Variants in GLRX3 observed in about 807,000 individuals in gnomAD.
GLRX3 encodes the protein glutaredoxin-3.
Under a neutral mutation model 49.5 loss-of-function variants are expected in GLRX3, and 22 were observed. That is an observed-to-expected ratio of 0.44 (90% confidence interval 0.32 to 0.63). GLRX3 has a LOEUF of 0.63. Among genes scored for constraint, GLRX3 ranks in the 30% least tolerant of loss-of-function variants. The probability of loss-of-function intolerance (pLI) is 0.05; values close to 1 mark genes in which losing one functional copy is unlikely to be tolerated. For synonymous variants in GLRX3, 133 were observed against 140.0 expected (o/e 0.95, Z 0.35); for missense variants, 385 against 396.3 (o/e 0.97, Z 0.24).
intron 4 of GLRX3, among the ~76,000 whole-genome samples, chr10:130,165,763 A>G (rs1000256912): frequency 3.3e-5 from 5 of 152,266 alleles, no homozygotes; most frequent in Admixed American, 6.5e-5. Context: ...TAGAAATGCA[A>G]CAGCATTGGG....
intron 1 of GLRX3, among the ~76,000 whole-genome samples, chr10:130,137,190 G>A (rs1228934257): frequency 2.0e-5 from 3 of 152,210 alleles, no homozygotes; most frequent in Non-Finnish European, 4.4e-5. Context: ...CTGGTGTAGT[G>A]AGAGTCTGTT....
chr10:130,165,336 T>A (rs1342131047), intron 4 of GLRX3, among the ~76,000 whole-genome samples: 1 of 152,128 alleles, frequency 6.6e-6, no homozygotes, highest in Non-Finnish European at 1.5e-5. Flanking sequence ...TTTTTCAGAC[T>A]AGGCTAATAG....
At chr10:130,145,431 G>A (rs1380886878) in intron 2 of GLRX3, 112 bp downstream of exon 2, 2 of 565,636 alleles carry the variant, frequency 3.5e-6, no homozygotes, top group Non-Finnish European at 6.6e-6. Flanking sequence ...GGGAGGCTGA[G>A]GCGGGCAGAT....
At chr10:130,154,977 CTTTTTT>C (rs545919115) in intron 2 of GLRX3, among the ~76,000 whole-genome samples, 1 of 148,970 alleles carries the variant, frequency 6.7e-6, no homozygotes, top group African/African-American at 2.5e-5. Context: ...AGAGATCTTT[CTTTTTT>C]TTTTAAGAGA....
intron 7 of GLRX3, among the ~76,000 whole-genome samples, 168 bp downstream of exon 7, chr10:130,169,658 A>C (rs1475440362): frequency 6.6e-6 from 1 of 152,222 alleles, no homozygotes; most frequent in Non-Finnish European, 1.5e-5. Context: ...AGTAATCTAC[A>C]TTTTGCTTGA....
At chr10:130,152,757 G>C (rs914436129) in intron 2 of GLRX3, among the ~76,000 whole-genome samples, 1 of 151,900 alleles carries the variant, frequency 6.6e-6, no homozygotes, top group Non-Finnish European at 1.5e-5. Flanking sequence ...TTCAACCTTG[G>C]TGAATCTGAC....
At position 130,175,823 on chromosome 10, in the gene GLRX3, A is replaced by T. The variant is rs1050915144; in HGVS notation, c.957+734A>T. 5.0e-4 allele frequency among the ~76,000 whole-genome samples: 76 copies of T among 152,256 alleles called. 3 individuals are homozygous for T. Among genetic ancestry groups the T allele is most frequent in the Non-Finnish European group, 2.1e-4 (14 of 68,046 alleles). The stretch of plus-strand genomic sequence containing the variant: ...AATAAACAGAAGCTGTAGCTTTAAT[A>T]TCTACACACAGACCCCACTGCACCC... On this transcript the variant is annotated intron_variant, in intron 10 of 10. Transcript: ENST00000331244.
At chr10:130,165,037 T>C (rs1011494004) in intron 4 of GLRX3, among the ~76,000 whole-genome samples, 2 of 152,230 alleles carry the variant, frequency 1.3e-5, no homozygotes, top group Non-Finnish European at 2.9e-5. Context: ...TTGGAAAATG[T>C]TTAGAGCTCA....
intron 10 of GLRX3, among the ~76,000 whole-genome samples, chr10:130,178,780 A>G (rs1862970110): frequency 6.6e-6 from 1 of 152,046 alleles, no homozygotes; most frequent in Non-Finnish European, 1.5e-5. Flanking sequence ...TTGGCTCACT[A>G]CAATCTCCAC....
chr10:130,180,344 A>G (rs909132529), downstream of GLRX3: 3 of 152,182 alleles, frequency 2.0e-5, no homozygotes, highest in East Asian at 1.9e-4. Context: ...CACTTGGTCC[A>G]CTTACTTATA....
At chr10:130,179,213 A>G in intron 10 of GLRX3, 129 bp from the exon 11 acceptor site, 1 of 569,986 alleles carries the variant, frequency 1.8e-6, no homozygotes. Flanking sequence ...GAGTGTTAAG[A>G]GACTGGAGTT....
chr10:130,137,693 G>T (rs1283025195), intron 1 of GLRX3, among the ~76,000 whole-genome samples: 1 of 152,194 alleles, frequency 6.6e-6, no homozygotes, highest in Non-Finnish European at 1.5e-5. Context: ...TAGTATTTCA[G>T]TAGGAAGTAG....
intron 1 of GLRX3, among the ~76,000 whole-genome samples, chr10:130,142,600 G>A (rs1393765614): frequency 1.3e-5 from 2 of 152,160 alleles, no homozygotes; most frequent in East Asian, 3.9e-4. Flanking sequence ...TTCTCTGCCT[G>A]TACAGATCTC....
chr10:130,141,022 A>T (rs975391221), intron 1 of GLRX3, among the ~76,000 whole-genome samples: 3 of 152,170 alleles, frequency 2.0e-5, no homozygotes, highest in African/African-American at 7.2e-5. Context: ...CCTTTTTATC[A>T]TTGAATATTA....
chr10:130,154,999 T>C (rs909495691), intron 2 of GLRX3, among the ~76,000 whole-genome samples: 1 of 151,880 alleles, frequency 6.6e-6, no homozygotes, highest in Non-Finnish European at 1.5e-5. Flanking sequence ...AGAGATAAGG[T>C]CTCGCTCTGT....
At chr10:130,166,336 A>C (rs1308519322) in intron 4 of GLRX3, among the ~76,000 whole-genome samples, 171 bp from the exon 5 acceptor site, 2 of 152,076 alleles carry the variant, frequency 1.3e-5, no homozygotes, top group African/African-American at 4.8e-5. Context: ...AAGGGGATCC[A>C]GGAATTTATT....
intron 8 of GLRX3, 135 bp from the exon 9 acceptor site, chr10:130,174,732 A>G: frequency 1.5e-6 from 1 of 658,114 alleles, no homozygotes; most frequent in Non-Finnish European, 2.7e-6. Context: ...AAGTAAAATC[A>G]TTTCCATTGG....
Position 130,179,399 on chromosome 10 carries a change from T to G in GLRX3, c.*7T>G, listed in dbSNP as rs1197524369. The G allele has an allele frequency of 7.0e-7, 1 of 1,428,476 alleles. No homozygotes were observed. Among genetic ancestry groups the G allele is most frequent in the Non-Finnish European group, 9.7e-7 (1 of 1,027,352 alleles). 88.5% of individuals were successfully genotyped at this position (1,428,476 alleles called of 1,614,324 possible). A position where few individuals can be genotyped will look rare whatever the true frequency, so the allele number is the denominator to read the frequency against. Reference sequence around the variant, plus strand: ...ACTGAGAGGAGAAAATTAATAAATCTTAAACTTGGTGCCCAACTATTGTAA... The same window carrying G: ...ACTGAGAGGAGAAAATTAATAAATCGTAAACTTGGTGCCCAACTATTGTAA... On this transcript the variant is annotated 3_prime_UTR_variant, in exon 11 of 11. Transcript: ENST00000331244.
At chr10:130,162,402 A>G (rs1270271145) in intron 4 of GLRX3, among the ~76,000 whole-genome samples, 2 of 152,266 alleles carry the variant, frequency 1.3e-5, no homozygotes, top group Non-Finnish European at 2.9e-5. Flanking sequence ...TAAAGGTAGC[A>G]ACAGATAGTC....
Sources: gnomAD v4.1 joint callset for allele counts (sites outside exome capture counted in the v4.1 genomes callset) on GRCh38, gnomAD v4.1.1 for gene constraint, MANE v1.5 for transcripts, NCBI Gene and HGNC (gene_info 2026-07-23, HGNC 2026-07-21) for gene names.